The following CENPV variants were observed in gnomAD, a reference collection of about 807,000 sequenced individuals.
CENPV encodes the protein centromere protein V, also known as nuclear protein p30.
In CENPV, 15 loss-of-function variants were observed where a neutral mutation model predicts 26.4. That is an observed-to-expected ratio of 0.57 (90% CI 0.38 to 0.88). The LOEUF is 0.88. Ranked by LOEUF, CENPV falls within the 40% of genes least tolerant of loss-of-function variation. The pLI, the probability that CENPV is intolerant of heterozygous loss-of-function variation, is 0.00. For missense variants in CENPV, 336 were observed against 376.5 expected (o/e 0.89, Z 0.89); for synonymous variants, 172 against 165.5 (o/e 1.04, Z -0.30).
intron 3 of CENPV, among the ~76,000 whole-genome samples, chr17:16,347,257 T>G (rs1217533645): frequency 1.3e-5 from 2 of 152,108 alleles, no homozygotes; most frequent in African/African-American, 2.4e-5. Flanking sequence ...GGTGGAGGTT[T>G]CTTATCCTTG....
intron 2 of CENPV, chr17:16,349,615 C>T: frequency 2.7e-6 from 3 of 1,101,852 alleles, no homozygotes; most frequent in Non-Finnish European, 3.3e-6. Context: ...CCACTCAGTA[C>T]CCAGCCAGGC....
In CENPV at chr17:16,353,330, G is replaced by A. The variant is rs1402089543; in HGVS notation, c.107C>T (p.Ala36Val). 1 of 1,378,350 alleles carries A rather than the reference G, an allele frequency of 7.3e-7. No homozygotes were observed. The highest frequency in any genetic ancestry group is 9.4e-7 in the Non-Finnish European group (1 of 1,063,572). 85.4% of individuals were successfully genotyped at this position (1,378,350 alleles called of 1,614,324 possible). ...ASAAAALAPSATRTRRSASQA... is the reference protein window; with the variant it reads ...ASAAAALAPSVTRTRRSASQA... ...GCTAGCGGAGCGCCGTGTGCGGGTG[G>A]CGCTGGGTGCCAAGGCAGCGGCCGC... Residue 36 changes from alanine (A) to valine (V), a missense_variant, in exon 1 of 5, where the codon GCC becomes GTC. Physicochemically the swap from Ala to Val is moderately conservative, Grantham distance 64. This residue lies in a region of CENPV where 181 missense variants were observed against 148.8 expected (regional missense o/e 1.22). Coordinates refer to ENST00000299736, the MANE Select transcript of CENPV (RefSeq NM_181716.3).
At chr17:16,343,912 T>C (rs573252066) in intron 4 of CENPV, among the ~76,000 whole-genome samples, 10 of 152,282 alleles carry the variant, frequency 6.6e-5, no homozygotes, top group African/African-American at 2.4e-4. Flanking sequence ...ATTCACACTA[T>C]AGTTGGTATG....
chr17:16,344,439 A>G, intron 4 of CENPV, 158 bp downstream of exon 4: 2 of 395,434 alleles, frequency 5.1e-6, no homozygotes, highest in Non-Finnish European at 9.1e-6. Context: ...CTCACATTCT[A>G]TCATGTGGAA....
At position 16,353,164 on chromosome 17, in the gene CENPV, CGGCGGCGGT is replaced by C. The variant is rs746979329; in HGVS notation, c.264_272del (p.Pro92_Pro94del). Reference sequence around the variant, plus strand: ...TCGGGGTCGCGGGAGTCGGCGGCGGCGGCGGCGGTGGCGGGAGCAACGCCAGCTCAGGCG... The same window carrying C: ...TCGGGGTCGCGGGAGTCGGCGGCGGCGGCGGGAGCAACGCCAGCTCAGGCG... On this transcript the variant is annotated inframe_deletion, in exon 1 of 5. Transcript: ENST00000299736. The C allele has an allele frequency of 3.5e-6, 5 of 1,447,050 alleles. No individual in the cohort carries two copies. Among genetic ancestry groups the C allele is most frequent in the African/African-American group, 2.9e-5 (2 of 68,066 alleles). The allele number at this position is 1,447,050 out of a possible 1,614,324, so 89.6% of individuals were successfully genotyped here.
Position 16,353,269 on chromosome 17 carries a change from C to G in CENPV, c.168G>C (p.Pro56=). The G allele has an allele frequency of 7.0e-7, 1 of 1,418,644 alleles. No homozygotes were observed. Among genetic ancestry groups the G allele is most frequent in the Non-Finnish European group, 9.2e-7 (1 of 1,086,880 alleles). 87.9% of individuals were successfully genotyped at this position (1,418,644 alleles called of 1,614,324 possible). A position where few individuals can be genotyped will look rare whatever the true frequency, so the allele number is the denominator to read the frequency against. ...GCCTCAGCCGCGGCTTCTCCGACGGCGGCTTCTCCACCGCCTGGCTCTTGC... is the reference window on the plus strand; with the variant it reads ...GCCTCAGCCGCGGCTTCTCCGACGGGGGCTTCTCCACCGCCTGGCTCTTGC... ...AGSKSQAVEK[P]PSEKPRLRRS... is the part of the protein sequence containing the mutation. The change falls in exon 1 of 5, where the codon CCG becomes CCC. Residue 56 remains proline, a synonymous_variant. Transcript: ENST00000299736.
At chr17:16,343,975 G>A (rs1208648444) in intron 4 of CENPV, among the ~76,000 whole-genome samples, 1 of 152,102 alleles carries the variant, frequency 6.6e-6, no homozygotes, top group Non-Finnish European at 1.5e-5. Context: ...ACCCAAGCAG[G>A]CCCTGAAGCG....
At chr17:16,345,983 G>A (rs776743469) in intron 3 of CENPV, among the ~76,000 whole-genome samples, 1 of 152,194 alleles carries the variant, frequency 6.6e-6, no homozygotes, top group Non-Finnish European at 1.5e-5. Context: ...CAAAGGACAT[G>A]AACGGACAGT....
At chr17:16,349,503 A>G in intron 2 of CENPV, 1 of 987,426 alleles carries the variant, frequency 1.0e-6, no homozygotes, top group Non-Finnish European at 1.2e-6. Flanking sequence ...GCAGAGCGAG[A>G]GTGGAGGGCC....
chr17:16,346,291 T>C (rs919422119), intron 3 of CENPV, among the ~76,000 whole-genome samples: 2 of 152,224 alleles, frequency 1.3e-5, no homozygotes, highest in African/African-American at 4.8e-5. Context: ...ATAGATACTA[T>C]AGCACTGTTT....
intron 3 of CENPV, 59 bp from the exon 4 acceptor site, chr17:16,344,770 ATTTATTT>A: frequency 3.4e-6 from 3 of 879,506 alleles, no homozygotes; most frequent in Non-Finnish European, 4.9e-6. Flanking sequence ...TATTTAATTT[ATTTATTT>A]ATTTATTTAT....
intron 3 of CENPV, among the ~76,000 whole-genome samples, chr17:16,345,634 T>C (rs1182798254): frequency 6.6e-6 from 1 of 152,052 alleles, no homozygotes; most frequent in African/African-American, 2.4e-5. Flanking sequence ...TGGGACCTTC[T>C]TGAGGACAGA....
At position 16,342,881 on chromosome 17, in the gene CENPV, T is replaced by C. The variant is rs1305224813; in HGVS notation, c.755A>G (p.Asn252Ser). ...CATGGCCTTCTCCCAATCGCTGCCA[T>C]TGAATTCCTCAGTGACCATACTCCG... The part of the protein sequence containing the change: ...TVRSMVTEEF[N>S]GSDWEKAMKE... Residue 252 changes from asparagine to serine, a missense_variant, in exon 5 of 5, where the codon AAT (asparagine) becomes AGT (serine). Physicochemically the swap from Asn to Ser is conservative, Grantham distance 46. This residue lies in a region of CENPV where 155 missense variants were observed against 227.8 expected (regional missense o/e 0.68). Transcript: ENST00000299736. 1.9e-6 allele frequency: 3 copies of C among 1,614,170 alleles called. No individual in the cohort carries two copies. Among genetic ancestry groups the C allele is most frequent in the South Asian group, 1.1e-5 (1 of 91,072 alleles).
chr17:16,348,140 T>C (rs2093215007), intron 3 of CENPV: 1 of 151,852 alleles, frequency 6.6e-6, no homozygotes, highest in Non-Finnish European at 1.5e-5. Context: ...AGGTAAAAAA[T>C]AACACAACCT....
chr17:16,348,546 G>A, intron 3 of CENPV, 70 bp downstream of exon 3: 1 of 1,601,476 alleles, frequency 6.2e-7, no homozygotes, highest in Non-Finnish European at 8.5e-7. Flanking sequence ...CATGCTAACA[G>A]TTGGGTGGGG....
intron 1 of CENPV, among the ~76,000 whole-genome samples, chr17:16,351,967 T>C (rs1299904119): frequency 6.6e-6 from 1 of 152,160 alleles, no homozygotes; most frequent in African/African-American, 2.4e-5. Context: ...CAGTCCAAGA[T>C]GAAAAACCAA....
chr17:16,350,047 C>G lies in CENPV; in HGVS notation c.411-18G>C. 6.2e-7 allele frequency: 1 copy of G among 1,607,582 alleles called. No homozygotes were observed. ...GGTATTCACTAAATGAAACAAAAATCAGAAAGATAATAATTTCTGAATAGC... is the reference window on the plus strand; with the variant it reads ...GGTATTCACTAAATGAAACAAAAATGAGAAAGATAATAATTTCTGAATAGC... On this transcript the variant is annotated intron_variant, in intron 1 of 4. Coordinates refer to ENST00000299736, the MANE Select transcript of CENPV (RefSeq NM_181716.3).
At chr17:16,348,999 A>G (rs1425598919) in intron 2 of CENPV, 2 of 1,055,380 alleles carry the variant, frequency 1.9e-6, no homozygotes, top group Non-Finnish European at 2.3e-6. Context: ...ACACTTAGGA[A>G]ACAAATTTCA....
Position 16,342,663 on chromosome 17 carries a change from T to C in CENPV, c.*154A>G, listed in dbSNP as rs1027290552. 1.3e-5 allele frequency: 10 copies of C among 775,622 alleles called. No homozygotes were observed. Among genetic ancestry groups the C allele is most frequent in the Admixed American group, 1.1e-4 (4 of 37,552 alleles). 48.0% of individuals were successfully genotyped at this position (775,622 alleles called of 1,614,324 possible). A position where few individuals can be genotyped will look rare whatever the true frequency, so the allele number is the denominator to read the frequency against. ...ACAAAGAGCTGCCTAAAGAAACTGG[T>C]AGCTGGAGCAAACTGCAGAGATCAA... On this transcript the variant is annotated 3_prime_UTR_variant, in exon 5 of 5. Transcript: ENST00000299736.
Sources: allele counts gnomAD v4.1 joint callset (sites outside exome capture counted in the v4.1 genomes callset), GRCh38; gene constraint gnomAD v4.1.1; regional missense constraint gnomAD v4.1.1; transcripts MANE v1.5; gene names NCBI Gene and HGNC (gene_info 2026-07-23, HGNC 2026-07-21).